Variants in PIK3R3 observed in about 807,000 individuals in gnomAD.
PIK3R3 encodes phosphatidylinositol 3-kinase regulatory subunit gamma.
Under a neutral mutation model 62.9 loss-of-function variants are expected in PIK3R3, and 64 were observed. That is an observed-to-expected ratio of 1.02 (90% CI 0.83 to 1.25). The LOEUF is 1.25. Among genes scored for constraint, PIK3R3 ranks in the 50% most tolerant of loss-of-function variants. The pLI is 0.00. For synonymous variants in PIK3R3, 165 were observed against 189.0 expected (o/e 0.87, Z 1.04); for missense variants, 614 against 561.6 (o/e 1.09, Z -0.94).
Position 46,046,570 on chromosome 1 carries a change from T to TA in PIK3R3, c.996dup (p.Lys333Ter). The TA allele has an allele frequency of 6.2e-7, 1 of 1,612,894 alleles. No individual in the cohort carries two copies. Among genetic ancestry groups the TA allele is most frequent in the Non-Finnish European group, 8.5e-7 (1 of 1,178,862 alleles). On this transcript the variant is annotated frameshift_variant, in exon 8 of 10. Coordinates refer to ENST00000262741, the MANE Select transcript of PIK3R3 (RefSeq NM_003629.4). LOFTEE classifies it high-confidence loss of function. ...ACTTACTCATCAGCATCCTCATTCT[T>TA]AATTCCCAGCCAGACATTCAGGCGT...
At chr1:46,103,218 T>C (rs181557523) in intron 1 of PIK3R3, among the ~76,000 whole-genome samples, 1 of 152,152 alleles carries the variant, frequency 6.6e-6, no homozygotes, top group South Asian at 2.1e-4. Flanking sequence ...ATGTGCAAGA[T>C]GAAATCTGGA....
Position 46,132,033 on chromosome 1 carries a change from T to C in PIK3R3, c.-81A>G, listed in dbSNP as rs1655654769. ...TGGTATTTAAAAATCTAAAAATATATATCTGCAAAAGTTCCACACGGAAAT... is the reference window on the plus strand; with the variant it reads ...TGGTATTTAAAAATCTAAAAATATACATCTGCAAAAGTTCCACACGGAAAT... On this transcript the variant is annotated 5_prime_UTR_variant, in exon 1 of 10. The change creates a new upstream start codon in the 5' untranslated region. Transcript: ENST00000262741. 1.3e-6 allele frequency: 2 copies of C among 1,549,176 alleles called. No homozygotes were observed. Among genetic ancestry groups the C allele is most frequent in the East Asian group, 4.8e-5 (2 of 41,380 alleles).
At chr1:46,108,700 G>T (rs1322486477) in intron 1 of PIK3R3, among the ~76,000 whole-genome samples, 1 of 152,022 alleles carries the variant, frequency 6.6e-6, no homozygotes, top group Non-Finnish European at 1.5e-5. Context: ...CTAAATGTTA[G>T]GCAAAGGTTT....
At chr1:46,161,276 TTTG>T in the PIK3R3 span, among the ~76,000 whole-genome samples, 1 of 151,480 alleles carries the variant, frequency 6.6e-6, no homozygotes, top group Admixed American at 6.6e-5. Flanking sequence ...TTTTTTTTTT[TTTG>T]TAGAGACAAT....
chr1:46,163,861 G>A, the PIK3R3 span, among the ~76,000 whole-genome samples: 3 of 152,290 alleles, frequency 2.0e-5, no homozygotes, highest in South Asian at 6.2e-4. Flanking sequence ...ACAGAGCACT[G>A]TCCCCCTCCT....
At chr1:46,087,592 CTTTTTTTT>C (rs35296719) in intron 1 of PIK3R3, among the ~76,000 whole-genome samples, 3 of 100,378 alleles carry the variant, frequency 3.0e-5, no homozygotes, top group Admixed American at 1.2e-4. Context: ...ACATATTCAT[CTTTTTTTT>C]TTTTTTTTTT....
chr1:46,170,574 C>T, the PIK3R3 span, among the ~76,000 whole-genome samples: 1 of 152,204 alleles, frequency 6.6e-6, no homozygotes, highest in Non-Finnish European at 1.5e-5. Context: ...GTACCTGCCA[C>T]CAAGCCTGGC....
chr1:46,081,988 T>C (rs892180437), intron 1 of PIK3R3, among the ~76,000 whole-genome samples: 3 of 151,634 alleles, frequency 2.0e-5, no homozygotes, highest in Admixed American at 6.6e-5. Flanking sequence ...ATATATGTGT[T>C]CATGCAGATA....
At chr1:46,120,301 G>A (rs1171360707) in intron 1 of PIK3R3, among the ~76,000 whole-genome samples, 1 of 152,172 alleles carries the variant, frequency 6.6e-6, no homozygotes, top group Non-Finnish European at 1.5e-5. Context: ...AATGTGGCTG[G>A]GCGCGGTGGC....
the PIK3R3 span, among the ~76,000 whole-genome samples, chr1:46,159,120 TA>T: frequency 1.4e-5 from 2 of 147,460 alleles, no homozygotes; most frequent in East Asian, 2.0e-4. Flanking sequence ...AATAAATAAA[TA>T]AAATAAAATG....
intron 3 of PIK3R3, among the ~76,000 whole-genome samples, chr1:46,076,234 C>T (rs1650053234): frequency 1.3e-5 from 2 of 152,134 alleles, no homozygotes; most frequent in Admixed American, 1.3e-4. Context: ...GACAAGCTCA[C>T]CTTAAGAGAA....
chr1:46,087,751 CA>C (rs1253530531), intron 1 of PIK3R3, among the ~76,000 whole-genome samples: 8 of 152,090 alleles, frequency 5.3e-5, no homozygotes, highest in African/African-American at 1.9e-4. Flanking sequence ...ATCACCTTAT[CA>C]CTTCTCAGTG....
At chr1:46,156,765 C>G in the PIK3R3 span, among the ~76,000 whole-genome samples, 1 of 152,214 alleles carries the variant, frequency 6.6e-6, no homozygotes, top group Admixed American at 6.5e-5. Context: ...GGCCCTGGTA[C>G]TGCAGTCACG....
chr1:46,155,349 C>A, the PIK3R3 span, among the ~76,000 whole-genome samples: 153 of 150,228 alleles, frequency 1.0e-3, 1 homozygote, highest in African/African-American at 3.4e-3. Context: ...AAAAAAAAAA[C>A]AAAAAACAGG....
At chr1:46,158,839 G>A in the PIK3R3 span, among the ~76,000 whole-genome samples, 3 of 152,196 alleles carry the variant, frequency 2.0e-5, no homozygotes, top group African/African-American at 7.2e-5. Flanking sequence ...TGTAATCCCA[G>A]CACTTTGGGA....
intron 1 of PIK3R3, among the ~76,000 whole-genome samples, chr1:46,089,190 A>G (rs1466718777): frequency 3.3e-5 from 5 of 152,184 alleles, no homozygotes; most frequent in Admixed American, 6.5e-5. Context: ...GGATGCCAAC[A>G]CAAGAGAGAA....
chr1:46,173,223 G>C, the PIK3R3 span, among the ~76,000 whole-genome samples: 1 of 152,182 alleles, frequency 6.6e-6, no homozygotes, highest in African/African-American at 2.4e-5. Flanking sequence ...ACCTATGGGA[G>C]AAGGAAGAAC....
the PIK3R3 span, among the ~76,000 whole-genome samples, chr1:46,168,331 G>A: frequency 4.6e-5 from 7 of 152,032 alleles, no homozygotes; most frequent in Admixed American, 4.6e-4. Flanking sequence ...CTCCATTAGG[G>A]TGCAAGCTCT....
At position 46,126,795 on chromosome 1, in the gene PIK3R3, G is replaced by A. The variant is rs1294487083; in HGVS notation, c.106+5052C>T. Among the ~76,000 whole-genome samples, 5 of 150,348 alleles carry A rather than the reference G, an allele frequency of 3.3e-5. No individual in the cohort carries two copies. In the East Asian group the frequency reaches 1.0e-3, roughly 30 times the overall value. On this transcript the variant is annotated intron_variant, in intron 1 of 9. Transcript: ENST00000262741. ...CAAAAAAAAAAGCCATATGTATAAT[G>A]CTTTATTATTTTTTAATGAATTAAA...
Sources: allele counts gnomAD v4.1 joint callset (sites outside exome capture counted in the v4.1 genomes callset), GRCh38; gene constraint gnomAD v4.1.1; transcripts MANE v1.5; gene names NCBI Gene and HGNC (gene_info 2026-07-23, HGNC 2026-07-21).